Variants in PITPNC1 observed in about 807,000 individuals in gnomAD.
PITPNC1 encodes phosphatidylinositol transfer protein cytoplasmic 1.
Under a neutral mutation model 44.7 loss-of-function variants are expected in PITPNC1, and 18 were observed. The observed-to-expected ratio is 0.40, with a 90% CI of 0.28 to 0.60. The LOEUF (loss-of-function observed/expected upper bound fraction) is 0.60. Ranked by LOEUF, PITPNC1 falls within the 20% of genes least tolerant of loss-of-function variation. PITPNC1 has a pLI of 0.39. For synonymous variants in PITPNC1, 141 were observed against 149.6 expected, an observed-to-expected ratio of 0.94 and a Z score of 0.42; for missense variants, 290 against 418.4, an observed-to-expected ratio of 0.69 and a Z score of 2.68.
At position 67,554,505 on chromosome 17, in the gene PITPNC1, A is replaced by G. The variant is rs536585766; in HGVS notation, c.294+888A>G. On this transcript the variant is annotated intron_variant, in intron 4 of 8. Transcript: ENST00000581322. The stretch of plus-strand genomic sequence containing the variant: ...ACTCCTGACCTTAGGCGATCCGCCC[A>G]CCTTGGCTTCCCAAAGTGTTGGGAT... Among the ~76,000 whole-genome samples, 27 of 152,210 alleles carry G rather than the reference A, an allele frequency of 1.8e-4. No individual in the cohort carries two copies. The South Asian group carries it at 5.0e-3, about 28-fold the overall frequency.
chr17:67,658,158 C>T (rs910484453), intron 6 of PITPNC1, among the ~76,000 whole-genome samples: 7 of 152,174 alleles, frequency 4.6e-5, no homozygotes, highest in Non-Finnish European at 1.0e-4. Flanking sequence ...AGGAGGGCAG[C>T]CAAATGCCTA....
At chr17:67,602,211 G>A (rs2041548985) in intron 5 of PITPNC1, among the ~76,000 whole-genome samples, 1 of 152,186 alleles carries the variant, frequency 6.6e-6, no homozygotes, top group African/African-American at 2.4e-5. Context: ...AGCAAAGTAT[G>A]GAAAAATTGA....
At chr17:67,630,784 T>C (rs951202319) in intron 5 of PITPNC1, among the ~76,000 whole-genome samples, 7 of 151,266 alleles carry the variant, frequency 4.6e-5, no homozygotes, top group Admixed American at 4.0e-4. Flanking sequence ...CAATCTCGGC[T>C]CACTGCAACC....
At chr17:67,647,405 C>T (rs1393097530) in intron 6 of PITPNC1, among the ~76,000 whole-genome samples, 1 of 150,754 alleles carries the variant, frequency 6.6e-6, no homozygotes, top group African/African-American at 2.4e-5. Flanking sequence ...ATTCTCCTGC[C>T]TTGGCCCCCT....
intron 1 of PITPNC1, among the ~76,000 whole-genome samples, chr17:67,450,429 A>G (rs1236980156): frequency 6.6e-6 from 1 of 151,958 alleles, no homozygotes; most frequent in African/African-American, 2.4e-5. Context: ...TACCATTTTA[A>G]GTTTCTTTTT....
At chr17:67,507,894 A>G (rs1211352745) in intron 1 of PITPNC1, among the ~76,000 whole-genome samples, 1 of 151,844 alleles carries the variant, frequency 6.6e-6, no homozygotes, top group Non-Finnish European at 1.5e-5. Context: ...CCATGGCTTC[A>G]CTGACCATCT....
intron 1 of PITPNC1, among the ~76,000 whole-genome samples, chr17:67,385,564 A>G (rs950950836): frequency 4.7e-5 from 7 of 150,274 alleles, no homozygotes; most frequent in African/African-American, 1.7e-4. Context: ...TTCACACTAA[A>G]TCTTCCTGCT....
chr17:67,571,368 G>A (rs2041054709), intron 4 of PITPNC1, among the ~76,000 whole-genome samples: 1 of 152,176 alleles, frequency 6.6e-6, no homozygotes, highest in African/African-American at 2.4e-5. Context: ...GGAGGTCAAG[G>A]CTGCGGCGAG....
At chr17:67,687,078 A>G (rs376327243) in intron 8 of PITPNC1, 103 of 1,603,548 alleles carry the variant, frequency 6.4e-5, no homozygotes, top group Non-Finnish European at 8.2e-5. Context: ...ATGACAATGG[A>G]TGATGTTCGG....
intron 1 of PITPNC1, among the ~76,000 whole-genome samples, chr17:67,488,798 G>A (rs117939280): frequency 0.014 from 2,197 of 152,268 alleles, 34 homozygotes; most frequent in South Asian, 0.042. Flanking sequence ...CTGTCCCTGA[G>A]TTTGACTACT....
chr17:67,584,960 C>CA (rs1361676531), intron 5 of PITPNC1, among the ~76,000 whole-genome samples: 2 of 151,796 alleles, frequency 1.3e-5, no homozygotes, highest in African/African-American at 2.4e-5. Context: ...ACTAAAAATA[C>CA]AAAAAATTAG....
At position 67,631,673 on chromosome 17, in the gene PITPNC1, A is replaced by ATATATATATAT. The variant is rs1380540532; in HGVS notation, c.367-470_367-469insTATATATATAT. 3.2e-4 allele frequency among the ~76,000 whole-genome samples: 17 copies of ATATATATATAT among 52,496 alleles called. 1 individual carries two copies. The highest frequency in any genetic ancestry group is 1.2e-3 in the East Asian group (4 of 3,272). 34.4% of individuals were successfully genotyped at this position (52,496 alleles called of 152,430 possible). A position where few individuals can be genotyped will look rare whatever the true frequency, so the allele number is the denominator to read the frequency against. On this transcript the variant is annotated intron_variant, in intron 5 of 8. Coordinates refer to ENST00000581322, the MANE Select transcript of PITPNC1 (RefSeq NM_012417.4). The stretch of plus-strand genomic sequence containing the variant: ...AAAAAAAAAAATATATATATATATA[A>ATATATATATAT]AATATATATTTTTAACATATATATA...
At position 67,695,064 on chromosome 17, in the gene PITPNC1, T is replaced by C. The variant is rs2042988104; in HGVS notation, c.*2176T>C. The C allele has an allele frequency of 6.6e-6, 1 of 152,224 alleles. No individual in the cohort carries two copies. Among genetic ancestry groups the C allele is most frequent in the Non-Finnish European group, 1.5e-5 (1 of 68,028 alleles). 9.4% of individuals were successfully genotyped at this position (152,224 alleles called of 1,614,324 possible). On this transcript the variant is annotated 3_prime_UTR_variant, in exon 9 of 9. Transcript: ENST00000581322. The stretch of plus-strand genomic sequence containing the variant: ...CTTCTGCTGTCAAGGTTAACAATTC[T>C]ATATGCTTTAGGAAGCTAAGTTCTA...
At chr17:67,644,386 T>C (rs995029648) in intron 6 of PITPNC1, among the ~76,000 whole-genome samples, 3 of 150,986 alleles carry the variant, frequency 2.0e-5, no homozygotes, top group Admixed American at 6.6e-5. Context: ...TACAACAAGC[T>C]CTTCTTCAGT....
chr17:67,694,836 G>A lies in PITPNC1; in HGVS notation c.*1948G>A, dbSNP rs2042985258. 1 of 152,144 alleles carries A rather than the reference G, an allele frequency of 6.6e-6. No individual in the cohort carries two copies. Among genetic ancestry groups the A allele is most frequent in the South Asian group, 2.1e-4 (1 of 4,836 alleles). 9.4% of individuals were successfully genotyped at this position (152,144 alleles called of 1,614,324 possible). A position where few individuals can be genotyped will look rare whatever the true frequency, so the allele number is the denominator to read the frequency against. ...CCACACAGTAGTACTTAATGAAAAT[G>A]TTTTGCTTTAGAGAGCAAAATGCTA... On this transcript the variant is annotated 3_prime_UTR_variant, in exon 9 of 9. Coordinates refer to ENST00000581322, the MANE Select transcript of PITPNC1 (RefSeq NM_012417.4).
rs774855241 is a variant in PITPNC1 at position 67,532,945 on chromosome 17, C to T, written c.192C>T (p.Leu64=). 3.1e-6 allele frequency: 5 copies of T among 1,608,358 alleles called. No homozygotes were observed. Among genetic ancestry groups the T allele is most frequent in the Non-Finnish European group, 4.2e-6 (5 of 1,177,940 alleles). Residue 64 remains leucine, a synonymous_variant, in exon 2 of 9, where the codon CTC becomes CTT. Transcript: ENST00000581322. The part of the protein sequence containing the change: ...NGQFTEKRVY[L]NSKLPSWARA... ...AGTTCACCGAGAAGCGGGTGTATCT[C>T]AACAGGTGAGTCATGGCAGCCTGCG...
intron 1 of PITPNC1, among the ~76,000 whole-genome samples, chr17:67,412,360 A>G (rs2038512935): frequency 6.6e-6 from 1 of 152,124 alleles, no homozygotes. Context: ...TGCTGATGGC[A>G]CAAGCTCCAG....
intron 1 of PITPNC1, among the ~76,000 whole-genome samples, chr17:67,518,092 C>A (rs1465308680): frequency 6.6e-6 from 1 of 152,158 alleles, no homozygotes; most frequent in African/African-American, 2.4e-5. Flanking sequence ...CGTAAGTAAA[C>A]GCTGTAGGAC....
At chr17:67,629,238 C>G (rs897906897) in intron 5 of PITPNC1, among the ~76,000 whole-genome samples, 18 of 131,326 alleles carry the variant, frequency 1.4e-4, no homozygotes, top group South Asian at 1.3e-3. Context: ...CTGGGGTATT[C>G]TGTGTGTGTG....
Sources: allele counts gnomAD v4.1 joint callset (sites outside exome capture counted in the v4.1 genomes callset), GRCh38; gene constraint gnomAD v4.1.1; transcripts MANE v1.5; gene names NCBI Gene and HGNC (gene_info 2026-07-23, HGNC 2026-07-21).